The following FIBCD1 variants were observed in gnomAD, a reference collection of about 807,000 sequenced individuals.
FIBCD1 encodes fibrinogen C domain containing 1.
A neutral mutation model predicts 45.1 loss-of-function variants in FIBCD1; 47 were observed. The observed-to-expected ratio is 1.04, with a 90% CI of 0.82 to 1.33. The LOEUF (loss-of-function observed/expected upper bound fraction) is 1.33. FIBCD1 is among the 40% of genes most tolerant of loss of function. The pLI, the probability that FIBCD1 is intolerant of heterozygous loss-of-function variation, is 0.00. For synonymous variants in FIBCD1, 313 were observed against 308.1 expected (o/e 1.02, Z -0.17); for missense variants, 653 against 682.2 (o/e 0.96, Z 0.48).
At chr9:130,914,528 A>G (rs182122217) in intron 4 of FIBCD1, among the ~76,000 whole-genome samples, 1 of 152,304 alleles carries the variant, frequency 6.6e-6, no homozygotes, top group Admixed American at 6.5e-5. Context: ...GCAGGGAAGT[A>G]GGCCACAGTG....
At chr9:130,933,327 C>T (rs533374186) in intron 1 of FIBCD1, among the ~76,000 whole-genome samples, 1 of 152,306 alleles carries the variant, frequency 6.6e-6, no homozygotes, top group East Asian at 1.9e-4. Flanking sequence ...GGAGCTGATT[C>T]ATCCGTCCTG....
intron 5 of FIBCD1, among the ~76,000 whole-genome samples, chr9:130,907,637 C>T (rs765064078): frequency 5.3e-5 from 8 of 152,182 alleles, no homozygotes; most frequent in African/African-American, 1.9e-4. Context: ...CGGTGGCTTA[C>T]GCCTGTAATT....
At chr9:130,914,986 G>A (rs778204013) in intron 4 of FIBCD1, among the ~76,000 whole-genome samples, 11 of 152,232 alleles carry the variant, frequency 7.2e-5, no homozygotes, top group Non-Finnish European at 1.0e-4. Flanking sequence ...GCGGCCAGGC[G>A]GCCGTGAGCA....
intron 5 of FIBCD1, among the ~76,000 whole-genome samples, chr9:130,911,587 A>C (rs910442541): frequency 1.3e-5 from 2 of 152,232 alleles, no homozygotes; most frequent in East Asian, 1.9e-4. Context: ...GAGCCCACCC[A>C]CGCTGACACT....
intron 2 of FIBCD1, 53 bp from the exon 3 acceptor site, chr9:130,924,449 G>A (rs909287961): frequency 2.0e-6 from 3 of 1,519,244 alleles, no homozygotes; most frequent in Non-Finnish European, 8.9e-7. Context: ...TGGGGGTGGG[G>A]TGGCGCACAT....
At chr9:130,916,606 AT>A (rs1466185373) in intron 4 of FIBCD1, among the ~76,000 whole-genome samples, 20 of 152,332 alleles carry the variant, frequency 1.3e-4, no homozygotes, top group Non-Finnish European at 2.5e-4. Context: ...GTGGCTTTGT[AT>A]TTCTGGCAAA....
chr9:130,932,301 G>A (rs1400958848), intron 1 of FIBCD1, among the ~76,000 whole-genome samples: 1 of 152,186 alleles, frequency 6.6e-6, no homozygotes, highest in African/African-American at 2.4e-5. Flanking sequence ...GGGGACATGC[G>A]CCTGGACATG....
At chr9:130,914,280 A>G (rs1237081223) in intron 4 of FIBCD1, among the ~76,000 whole-genome samples, 4 of 152,156 alleles carry the variant, frequency 2.6e-5, no homozygotes, top group Non-Finnish European at 5.9e-5. Flanking sequence ...TCCACCGAGC[A>G]TCTCCTGCCA....
rs1438274075 is a variant in FIBCD1 at position 130,926,161 on chromosome 9, G to A, written c.553-1765C>T. On this transcript the variant is annotated intron_variant, in intron 2 of 6. Coordinates refer to ENST00000372338, the MANE Select transcript of FIBCD1 (RefSeq NM_032843.5). This position sits in a 1 kb window ranked among gnomAD's most constrained non-coding sequence, Gnocchi z 4.1. ...GGGAAGACGGTAGGTGGGGGCCGCC[G>A]TGCGATGTGTGTGCGGCAAACATCA... 3.3e-5 allele frequency among the ~76,000 whole-genome samples: 5 copies of A among 152,298 alleles called. No homozygotes were observed. The highest frequency in any genetic ancestry group is 3.9e-4 in the East Asian group (2 of 5,186).
intron 2 of FIBCD1, among the ~76,000 whole-genome samples, chr9:130,927,228 G>T (rs1832376224): frequency 6.6e-6 from 1 of 150,832 alleles, no homozygotes; most frequent in Non-Finnish European, 1.5e-5. Flanking sequence ...GGGTGACGGA[G>T]TAAGACTGTC....
chr9:130,919,036 G>A (rs73557887), intron 4 of FIBCD1, among the ~76,000 whole-genome samples: 5,959 of 152,222 alleles, frequency 0.039, 406 homozygotes, highest in African/African-American at 0.14. Flanking sequence ...CAGGCTTGGC[G>A]CCCTGCCGTC....
At chr9:130,923,453 C>T (rs765889884) in intron 4 of FIBCD1, among the ~76,000 whole-genome samples, 19 of 152,232 alleles carry the variant, frequency 1.2e-4, no homozygotes, top group Non-Finnish European at 2.4e-4. Flanking sequence ...GCCCAAACCC[C>T]GCCCCACCCC....
chr9:130,929,679 A>AGCCG lies in FIBCD1; in HGVS notation c.436_439dup (p.Leu147ProfsTer33), dbSNP rs749073006. The AGCCG allele has an allele frequency of 6.2e-7, 1 of 1,603,394 alleles. No individual in the cohort carries two copies. Among genetic ancestry groups the AGCCG allele is most frequent in the Non-Finnish European group, 8.5e-7 (1 of 1,175,760 alleles). On this transcript the variant is annotated frameshift_variant, in exon 2 of 7. Transcript: ENST00000372338. LOFTEE classifies it high-confidence loss of function. Reference sequence around the variant, plus strand: ...CTGCAGCTCTGAGGCTCGGGCCAGCAGCCGGGGCAGCTGGTCGGCCAGCGT... The same window carrying AGCCG: ...CTGCAGCTCTGAGGCTCGGGCCAGCAGCCGGCCGGGGCAGCTGGTCGGCCAGCGT...
chr9:130,932,585 C>A (rs1832459038), intron 1 of FIBCD1, among the ~76,000 whole-genome samples: 1 of 152,194 alleles, frequency 6.6e-6, no homozygotes, highest in Non-Finnish European at 1.5e-5. Context: ...CTAATGTATT[C>A]TCTTCTTTCA....
At chr9:130,932,114 C>T (rs1237816073) in intron 1 of FIBCD1, among the ~76,000 whole-genome samples, 1 of 152,226 alleles carries the variant, frequency 6.6e-6, no homozygotes, top group African/African-American at 2.4e-5. Flanking sequence ...ATCTTACAAT[C>T]GTAATTGACA....
Position 130,930,013 on chromosome 9 carries a change from G to A in FIBCD1, c.106C>T (p.Leu36=). The A allele has an allele frequency of 6.5e-7, 1 of 1,530,580 alleles. No homozygotes were observed. Among genetic ancestry groups the A allele is most frequent in the Non-Finnish European group, 8.8e-7 (1 of 1,138,608 alleles). 94.8% of individuals were successfully genotyped at this position (1,530,580 alleles called of 1,614,324 possible). The change falls in exon 2 of 7, where the codon CTG becomes TTG. Residue 36 remains leucine (L), a synonymous_variant. Coordinates refer to ENST00000372338, the MANE Select transcript of FIBCD1 (RefSeq NM_032843.5). The stretch of plus-strand genomic sequence containing the variant: ...GCCAGCAGCACAGCCAGGGCCAGCA[G>A]CACGGTGCACAGCACGTAGCCGCAG... The part of the protein sequence containing the change: ...PSCGYVLCTV[L]LALAVLLAVA...
chr9:130,933,882 A>G (rs1296735829), intron 1 of FIBCD1: 1 of 152,360 alleles, frequency 6.6e-6, no homozygotes, highest in African/African-American at 2.4e-5. Context: ...AGGAAGAAGA[A>G]AGTTTCCCTC....
At chr9:130,913,201 C>T (rs975622516) in intron 4 of FIBCD1, among the ~76,000 whole-genome samples, 4 of 151,738 alleles carry the variant, frequency 2.6e-5, no homozygotes, top group African/African-American at 9.7e-5. Flanking sequence ...CGCTGACAAT[C>T]CGTCCCAGCC....
At chr9:130,932,482 A>C (rs1352787902) in intron 1 of FIBCD1, among the ~76,000 whole-genome samples, 1 of 152,150 alleles carries the variant, frequency 6.6e-6, no homozygotes, top group Non-Finnish European at 1.5e-5. Context: ...CTCCAGCCAG[A>C]CCCAAATGCA....
Sources: gnomAD v4.1 joint callset for allele counts (sites outside exome capture counted in the v4.1 genomes callset) on GRCh38, gnomAD v4.1.1 for gene constraint, Gnocchi (gnomAD v3.1) non-coding constraint, MANE v1.5 for transcripts, NCBI Gene and HGNC (gene_info 2026-07-23, HGNC 2026-07-21) for gene names.